The following MAP3K2 variants were observed in gnomAD, a reference collection of about 807,000 sequenced individuals.
MAP3K2 encodes the protein mitogen-activated protein kinase kinase kinase 2.
A neutral mutation model predicts 80.3 loss-of-function variants in MAP3K2; 24 were observed. The ratio of observed to expected loss-of-function variants is 0.30; its 90% confidence interval spans 0.22 to 0.42. MAP3K2 has a LOEUF of 0.42. MAP3K2 is among the 10% of genes least tolerant of loss of function. The probability of loss-of-function intolerance (pLI) is 1.00; values close to 1 mark genes in which losing one functional copy is unlikely to be tolerated. For missense variants in MAP3K2, 608 were observed against 750.1 expected, an observed-to-expected ratio of 0.81 and a Z score of 2.21; for synonymous variants, 244 against 253.7, an observed-to-expected ratio of 0.96 and a Z score of 0.36.
chr2:127,324,052 A>G, intron 10 of MAP3K2, 58 bp from the exon 11 acceptor site: 1 of 1,105,440 alleles, frequency 9.0e-7, no homozygotes, highest in Non-Finnish European at 1.3e-6. Flanking sequence ...AAATATTTCT[A>G]ATGATGAAAA....
chr2:127,377,474 C>T (rs1040563104), intron 1 of MAP3K2, among the ~76,000 whole-genome samples: 1 of 151,062 alleles, frequency 6.6e-6, no homozygotes, highest in Admixed American at 6.6e-5. Flanking sequence ...TATTCCAGTG[C>T]GTATAGTCAT....
intron 3 of MAP3K2, 35 bp downstream of exon 3, chr2:127,338,897 G>A (rs1383100020): frequency 7.4e-7 from 1 of 1,355,092 alleles, no homozygotes; most frequent in Non-Finnish European, 1.0e-6. Flanking sequence ...TTAAAGGAAA[G>A]TAATTCATAA....
chr2:127,324,138 TA>T, intron 10 of MAP3K2, 35 bp downstream of exon 10: 1 of 1,383,996 alleles, frequency 7.2e-7, no homozygotes, highest in Non-Finnish European at 9.8e-7. Flanking sequence ...TCCAATGACA[TA>T]AACATTTAAA....
chr2:127,363,423 G>A (rs1686922270), intron 1 of MAP3K2, among the ~76,000 whole-genome samples: 1 of 151,968 alleles, frequency 6.6e-6, no homozygotes, highest in Non-Finnish European at 1.5e-5. Context: ...CATGACCAAG[G>A]CTTCAGTCAA....
At position 127,339,265 on chromosome 2, in the gene MAP3K2, T is replaced by C. The variant is rs897451480; in HGVS notation, c.5-215A>G. ...CATCAGTCCACACATGAGACACTAA[T>C]GGACAAGATGAAGTCATTCTGATTC... On this transcript the variant is annotated intron_variant, in intron 2 of 16. Coordinates refer to ENST00000682094, the MANE Select transcript of MAP3K2 (RefSeq NM_001371910.2). This position sits in a 1 kb window ranked among gnomAD's most constrained non-coding sequence, Gnocchi z 4.2. Among the ~76,000 whole-genome samples, 4 of 152,206 alleles carry C rather than the reference T, an allele frequency of 2.6e-5. No homozygotes were observed. Among genetic ancestry groups the C allele is most frequent in the Non-Finnish European group, 5.9e-5 (4 of 68,024 alleles).
Position 127,302,901 on chromosome 2 carries a change from T to C in MAP3K2, c.*4678A>G, listed in dbSNP as rs922924964. 1 of 152,006 alleles carries C rather than the reference T, an allele frequency of 6.6e-6. No homozygotes were observed. Among genetic ancestry groups the C allele is most frequent in the Admixed American group, 6.6e-5 (1 of 15,236 alleles). The allele number at this position is 152,006 out of a possible 1,614,324, so 9.4% of individuals were successfully genotyped here. A position where few individuals can be genotyped will look rare whatever the true frequency, so the allele number is the denominator to read the frequency against. ...TTATTTATTTATTTATTTATTTTTT[T>C]AAAAAGGAGGTAGAAAAGGGTAGGA... On this transcript the variant is annotated 3_prime_UTR_variant, in exon 17 of 17. Coordinates refer to ENST00000682094, the MANE Select transcript of MAP3K2 (RefSeq NM_001371910.2).
chr2:127,349,107 G>A (rs1195476466), intron 1 of MAP3K2, among the ~76,000 whole-genome samples: 1 of 151,842 alleles, frequency 6.6e-6, no homozygotes, highest in East Asian at 1.9e-4. Flanking sequence ...AAGAAAAAAT[G>A]TAAAAATTAT....
chr2:127,335,664 C>T lies in MAP3K2; in HGVS notation c.264+206G>A, dbSNP rs375434439. Among the ~76,000 whole-genome samples, 4 of 152,188 alleles carry T rather than the reference C, an allele frequency of 2.6e-5. No homozygotes were observed. In the East Asian group the frequency reaches 7.7e-4, roughly 29 times the overall value. On this transcript the variant is annotated intron_variant, in intron 5 of 16. Coordinates refer to ENST00000682094, the MANE Select transcript of MAP3K2 (RefSeq NM_001371910.2). Reference sequence around the variant, plus strand: ...TTTTCCCCTATAATACACCCTCATTCAATTATTTGCATAGTAGCACCCTCT... The same window carrying T: ...TTTTCCCCTATAATACACCCTCATTTAATTATTTGCATAGTAGCACCCTCT...
rs551015855 is a variant in MAP3K2 at position 127,344,637 on chromosome 2, G to C, written c.-65-1443C>G. Among the ~76,000 whole-genome samples the C allele has an allele frequency of 9.1e-4, 139 of 152,240 alleles. 1 individual carries two copies. Among genetic ancestry groups the C allele is most frequent in the Middle Eastern group, 3.4e-3 (1 of 294 alleles). ...GTGAACTATGATTGTACTCCAGCCT[G>C]TGTGACAGAGCAAGACCCTGTCTCG... On this transcript the variant is annotated intron_variant, in intron 1 of 16. Transcript: ENST00000682094.
intron 1 of MAP3K2, among the ~76,000 whole-genome samples, chr2:127,366,179 G>C (rs1320475879): frequency 6.6e-6 from 1 of 152,116 alleles, no homozygotes; most frequent in Non-Finnish European, 1.5e-5. Flanking sequence ...ATTTAATGGA[G>C]AGAATACTAG....
In MAP3K2 at chr2:127,344,384, C is replaced by T. The variant is rs551983985; in HGVS notation, c.-65-1190G>A. Among the ~76,000 whole-genome samples, 5 of 151,548 alleles carry T rather than the reference C, an allele frequency of 3.3e-5. No individual in the cohort carries two copies. In the East Asian group the frequency reaches 9.7e-4, roughly 30 times the overall value. On this transcript the variant is annotated intron_variant, in intron 1 of 16. Coordinates refer to ENST00000682094, the MANE Select transcript of MAP3K2 (RefSeq NM_001371910.2). Reference sequence around the variant, plus strand: ...AAAATTGTTGGCTAGTACAGTGGCTCACACTTATAATACTAGCAATTTGGG... The same window carrying T: ...AAAATTGTTGGCTAGTACAGTGGCTTACACTTATAATACTAGCAATTTGGG...
In MAP3K2 at chr2:127,316,264, C is replaced by T. The variant is rs187495070; in HGVS notation, c.1326+1365G>A. On this transcript the variant is annotated intron_variant, in intron 14 of 16. Transcript: ENST00000682094. ...TGGCATGCACCTGTAATCCCAGCTA[C>T]ACGGGAGGCTGAGGCAGGAGAATTG... 3.7e-3 allele frequency among the ~76,000 whole-genome samples: 569 copies of T among 152,208 alleles called. 3 individuals are homozygous for T. Among genetic ancestry groups the T allele is most frequent in the Non-Finnish European group, 4.2e-3 (287 of 68,004 alleles).
chr2:127,340,362 A>T (rs1339583269), intron 2 of MAP3K2, among the ~76,000 whole-genome samples: 1 of 152,200 alleles, frequency 6.6e-6, no homozygotes, highest in Non-Finnish European at 1.5e-5. Context: ...ACCTTCTTTA[A>T]GAAGGTAAAT....
At chr2:127,328,073 G>A (rs1227695905) in intron 7 of MAP3K2, among the ~76,000 whole-genome samples, 2 of 152,170 alleles carry the variant, frequency 1.3e-5, no homozygotes, top group Non-Finnish European at 2.9e-5. Context: ...TCAGGAGTTC[G>A]AGACCAATCT....
chr2:127,379,539 C>A (rs1349909981), intron 1 of MAP3K2, among the ~76,000 whole-genome samples: 2 of 152,148 alleles, frequency 1.3e-5, no homozygotes, highest in African/African-American at 4.8e-5. Context: ...TTCTTCAATA[C>A]ACATTATAAG....
At position 127,299,296 on chromosome 2, in the gene MAP3K2, A is replaced by T. The variant is rs1685544892; in HGVS notation, c.*8283T>A. On this transcript the variant is annotated 3_prime_UTR_variant, in exon 17 of 17. Coordinates refer to ENST00000682094, the MANE Select transcript of MAP3K2 (RefSeq NM_001371910.2). ...ATTCTTTTTCTGCCAGTTACTTAAAACACACAGTACAATATAAAGACACAC... is the reference window on the plus strand; with the variant it reads ...ATTCTTTTTCTGCCAGTTACTTAAATCACACAGTACAATATAAAGACACAC... The T allele has an allele frequency of 6.6e-6, 1 of 152,210 alleles. No individual in the cohort carries two copies. Among genetic ancestry groups the T allele is most frequent in the Non-Finnish European group, 1.5e-5 (1 of 68,020 alleles). The allele number at this position is 152,210 out of a possible 1,614,324, so 9.4% of individuals were successfully genotyped here.
intron 15 of MAP3K2, among the ~76,000 whole-genome samples, chr2:127,312,022 C>G (rs1685816583): frequency 5.9e-5 from 9 of 152,098 alleles, no homozygotes; most frequent in Admixed American, 5.9e-4. Flanking sequence ...TTACATAATT[C>G]TGTAACCGAA....
chr2:127,344,503 A>G (rs1201929260), intron 1 of MAP3K2, among the ~76,000 whole-genome samples: 1 of 151,622 alleles, frequency 6.6e-6, no homozygotes, highest in East Asian at 1.9e-4. Flanking sequence ...AAAAAAAAAA[A>G]AAAGATTTAA....
rs112443874 is a variant in MAP3K2, at chr2:127,364,072, A to G, written c.-65-20878T>C. ...TGCAAATTTGACTCTCCTTACAACC[A>G]TAACATAATATAGCACACATATGTT... is the stretch of plus-strand genomic sequence containing the variant. On this transcript the variant is annotated intron_variant, in intron 1 of 16. Transcript: ENST00000682094. The surrounding 1 kb of genome is among the most constrained non-coding windows in gnomAD (Gnocchi z 4.1). Among the ~76,000 whole-genome samples the G allele has an allele frequency of 2.0e-5, 3 of 152,198 alleles. No homozygotes were observed. The highest frequency in any genetic ancestry group is 2.9e-5 in the Non-Finnish European group (2 of 68,034).
Sources: allele counts gnomAD v4.1 joint callset (sites outside exome capture counted in the v4.1 genomes callset), GRCh38; gene constraint gnomAD v4.1.1; non-coding constraint Gnocchi (gnomAD v3.1); transcripts MANE v1.5; gene names NCBI Gene and HGNC (gene_info 2026-07-23, HGNC 2026-07-21).